The following CCDC18 variants were observed in gnomAD, a reference collection of about 807,000 sequenced individuals.
CCDC18 encodes the protein coiled-coil domain containing 18.
CCDC18 carries 157 observed loss-of-function variants against 196.0 expected under a neutral mutation model. That is an observed-to-expected ratio of 0.80 (90% CI 0.70 to 0.91). The LOEUF (loss-of-function observed/expected upper bound fraction) is 0.91, where lower values mean the gene tolerates loss of function less well. Ranked by LOEUF, CCDC18 falls within the 40% of genes least tolerant of loss-of-function variation. CCDC18 has a pLI of 0.00. For synonymous variants in CCDC18, 482 were observed against 529.2 expected (o/e 0.91, Z 1.22); for missense variants, 1,465 against 1,611.6 (o/e 0.91, Z 1.56).
intron 26 of CCDC18, among the ~76,000 whole-genome samples, chr1:93,263,244 TAAG>T (rs539058704): frequency 7.5e-4 from 115 of 152,328 alleles, no homozygotes; most frequent in African/African-American, 2.4e-3. Context: ...CCTCATTACT[TAAG>T]AAGATTTCTG....
intron 27 of CCDC18, among the ~76,000 whole-genome samples, chr1:93,269,195 A>G (rs1023049108): frequency 6.8e-6 from 1 of 147,188 alleles, no homozygotes; most frequent in East Asian, 2.0e-4. Flanking sequence ...CAAACACCGC[A>G]TGTTCTCACT....
chr1:93,182,044 A>G (rs779908023), intron 1 of CCDC18, among the ~76,000 whole-genome samples: 1 of 152,206 alleles, frequency 6.6e-6, no homozygotes, highest in Non-Finnish European at 1.5e-5. Flanking sequence ...TCACCATCCT[A>G]CAGAGAGCTA....
chr1:93,224,144 C>T (rs1338623569), intron 16 of CCDC18, among the ~76,000 whole-genome samples: 3 of 152,082 alleles, frequency 2.0e-5, no homozygotes, highest in Non-Finnish European at 4.4e-5. Flanking sequence ...CTACTCCTCA[C>T]CTAGATTCAC....
intron 21 of CCDC18, among the ~76,000 whole-genome samples, chr1:93,245,293 T>C (rs1661350446): frequency 6.6e-6 from 1 of 152,222 alleles, no homozygotes; most frequent in Admixed American, 6.5e-5. Flanking sequence ...TTTCATACTA[T>C]TTTTAGAATA....
intron 4 of CCDC18, among the ~76,000 whole-genome samples, chr1:93,190,584 T>A (rs1185217282): frequency 1.3e-5 from 2 of 152,168 alleles, no homozygotes; most frequent in Non-Finnish European, 2.9e-5. Context: ...CCAGTGGACT[T>A]TATTTCTGGG....
chr1:93,261,334 T>A (rs1663762166), intron 26 of CCDC18, among the ~76,000 whole-genome samples: 1 of 152,136 alleles, frequency 6.6e-6, no homozygotes, highest in African/African-American at 2.4e-5. Flanking sequence ...AAATAGTATA[T>A]ACATCCTCAT....
intron 17 of CCDC18, among the ~76,000 whole-genome samples, chr1:93,229,807 A>G (rs1206228180): frequency 2.0e-5 from 3 of 152,224 alleles, no homozygotes; most frequent in African/African-American, 7.2e-5. Flanking sequence ...CTTTTAAAAT[A>G]ATAAAGTTAT....
At chr1:93,213,190 T>A (rs1040332710) in intron 11 of CCDC18, among the ~76,000 whole-genome samples, 2 of 151,992 alleles carry the variant, frequency 1.3e-5, no homozygotes, top group Admixed American at 1.3e-4. Flanking sequence ...TGTGGCCCAG[T>A]TCCTAATGGG....
intron 3 of CCDC18, among the ~76,000 whole-genome samples, chr1:93,185,875 T>C (rs1370642891): frequency 6.6e-6 from 1 of 151,730 alleles, no homozygotes; most frequent in Non-Finnish European, 1.5e-5. Flanking sequence ...TATTGTAAAA[T>C]ATATATAAAA....
intron 23 of CCDC18, among the ~76,000 whole-genome samples, chr1:93,248,108 C>T (rs529094070): frequency 1.1e-4 from 16 of 150,450 alleles, no homozygotes; most frequent in African/African-American, 3.4e-4. Context: ...CTCCGCCTCC[C>T]GGGTTCAAGC....
intron 4 of CCDC18, among the ~76,000 whole-genome samples, chr1:93,189,560 C>G (rs924305467): frequency 6.6e-6 from 1 of 152,202 alleles, no homozygotes; most frequent in Non-Finnish European, 1.5e-5. Flanking sequence ...GTTCTCCATA[C>G]TGGTTGTACT....
chr1:93,185,583 A>C (rs1650517947), intron 3 of CCDC18, among the ~76,000 whole-genome samples: 1 of 151,998 alleles, frequency 6.6e-6, no homozygotes, highest in Non-Finnish European at 1.5e-5. Flanking sequence ...AGTAAAAAAA[A>C]AATGCAAGGT....
chr1:93,232,226 T>A (rs1043910479), intron 17 of CCDC18, among the ~76,000 whole-genome samples, 200 bp from the exon 18 acceptor site: 7 of 152,224 alleles, frequency 4.6e-5, no homozygotes, highest in Middle Eastern at 3.4e-3. Flanking sequence ...CCAAGAGCAA[T>A]CCTATAAGCA....
chr1:93,183,526 C>G, intron 2 of CCDC18, 31 bp downstream of exon 2: 1 of 1,528,438 alleles, frequency 6.5e-7, no homozygotes, highest in Non-Finnish European at 8.9e-7. Context: ...ATAGAATTCA[C>G]TGTGCCTTAA....
intron 28 of CCDC18, chr1:93,273,522 G>C (rs1389298859): frequency 6.6e-6 from 1 of 152,228 alleles, no homozygotes; most frequent in Admixed American, 6.5e-5. Flanking sequence ...TAGTAGAATT[G>C]CCAGCCAGAT....
At chr1:93,255,759 A>G (rs1008196661) in intron 24 of CCDC18, among the ~76,000 whole-genome samples, 2 of 146,952 alleles carry the variant, frequency 1.4e-5, no homozygotes, top group African/African-American at 5.3e-5. Flanking sequence ...GAAGAAGAGG[A>G]AGAAGAGGAG....
chr1:93,243,878 A>G (rs1415006414), intron 21 of CCDC18, among the ~76,000 whole-genome samples: 3 of 152,176 alleles, frequency 2.0e-5, no homozygotes, highest in Non-Finnish European at 4.4e-5. Flanking sequence ...ACAAGTCTCT[A>G]GGAAGTTCCA....
chr1:93,223,036 G>A (rs1174247356), intron 16 of CCDC18, among the ~76,000 whole-genome samples: 1 of 152,072 alleles, frequency 6.6e-6, no homozygotes, highest in Admixed American at 6.6e-5. Flanking sequence ...TGCAATGTCA[G>A]TTCATTTCCC....
At chr1:93,264,936 A>G (rs1664298899) in intron 27 of CCDC18, 35 bp downstream of exon 27, 3 of 1,419,332 alleles carry the variant, frequency 2.1e-6, no homozygotes, top group Non-Finnish European at 3.0e-6. Context: ...AAGCATATCT[A>G]TGAAAACATA....
Sources: gnomAD v4.1 joint callset for allele counts (sites outside exome capture counted in the v4.1 genomes callset) on GRCh38, gnomAD v4.1.1 for gene constraint, MANE v1.5 for transcripts, NCBI Gene and HGNC (gene_info 2026-07-23, HGNC 2026-07-21) for gene names.